AGBL4: variants seen among roughly 807,000 people sequenced by gnomAD.
AGBL4 encodes cytosolic carboxypeptidase 6.
In AGBL4, 58 loss-of-function variants were observed where a neutral mutation model predicts 66.4. The ratio of observed to expected loss-of-function variants is 0.87; its 90% CI spans 0.71 to 1.09. The LOEUF is 1.09. AGBL4 is among the 50% of genes least tolerant of loss of function. The probability of loss-of-function intolerance (pLI) is 0.00; values close to 1 mark genes in which losing one functional copy is unlikely to be tolerated. For missense variants in AGBL4, 579 were observed against 631.0 expected (o/e 0.92, Z 0.88); for synonymous variants, 234 against 222.9 (o/e 1.05, Z -0.44).
intron 3 of AGBL4, among the ~76,000 whole-genome samples, chr1:49,649,398 G>A (rs749511386): frequency 3.3e-5 from 5 of 152,062 alleles, no homozygotes; most frequent in Non-Finnish European, 5.9e-5. Context: ...AATGATTCAG[G>A]TCACTTCTTC....
At chr1:49,518,698 A>C (rs1381251980) in intron 3 of AGBL4, among the ~76,000 whole-genome samples, 2 of 152,102 alleles carry the variant, frequency 1.3e-5, no homozygotes, top group African/African-American at 2.4e-5. Context: ...AAGCACCTTG[A>C]TACTATAAAG....
chr1:48,597,492 A>T (rs1295946217), intron 9 of AGBL4, among the ~76,000 whole-genome samples: 2 of 152,132 alleles, frequency 1.3e-5, no homozygotes, highest in Non-Finnish European at 2.9e-5. Flanking sequence ...AGGTAGTGTG[A>T]TCAGGGAAGG....
Position 49,945,468 on chromosome 1 carries a change from G to A in AGBL4, c.34+78295C>T, listed in dbSNP as rs553131472. ...AGAATTTTGTATCCAGAAAAACTAAGCTTCATAAATGAAGGAAACACATGT... is the reference window on the plus strand; with the variant it reads ...AGAATTTTGTATCCAGAAAAACTAAACTTCATAAATGAAGGAAACACATGT... On this transcript the variant is annotated intron_variant, in intron 1 of 13. Transcript: ENST00000371839. Among the ~76,000 whole-genome samples the A allele has an allele frequency of 3.9e-5, 6 of 152,082 alleles. No individual in the cohort carries two copies. In the East Asian group the frequency reaches 9.7e-4, roughly 24 times the overall value.
At chr1:48,952,156 T>C (rs972659172) in intron 5 of AGBL4, among the ~76,000 whole-genome samples, 6 of 152,238 alleles carry the variant, frequency 3.9e-5, no homozygotes, top group Non-Finnish European at 7.3e-5. Context: ...GTGCACAATG[T>C]CTCCAGAAAA....
In AGBL4 at chr1:49,680,898, C is replaced by CT. The variant is rs561782422; in HGVS notation, c.282+16414dup. 3.5e-3 allele frequency among the ~76,000 whole-genome samples: 505 copies of CT among 143,464 alleles called. 2 individuals are homozygous for CT. The highest frequency in any genetic ancestry group is 0.023 in the South Asian group (103 of 4,546). 94.1% of individuals were successfully genotyped at this position (143,464 alleles called of 152,430 possible). On this transcript the variant is annotated intron_variant, in intron 3 of 13. Transcript: ENST00000371839. Reference sequence around the variant, plus strand: ...TGTTCCTGATGCTCTGTTGTTTTTCCTTTTTTTTTTTTAAACTATTGTCCT... The same window carrying CT: ...TGTTCCTGATGCTCTGTTGTTTTTCCTTTTTTTTTTTTTAAACTATTGTCCT...
intron 3 of AGBL4, among the ~76,000 whole-genome samples, chr1:49,525,888 C>A (rs1165864664): frequency 6.6e-6 from 1 of 151,782 alleles, no homozygotes; most frequent in Admixed American, 6.6e-5. Flanking sequence ...GAGATCCAGA[C>A]CATCCTGGCT....
chr1:49,406,225 T>C (rs867373477), intron 3 of AGBL4, among the ~76,000 whole-genome samples: 5 of 152,344 alleles, frequency 3.3e-5, no homozygotes, highest in Middle Eastern at 3.4e-3. Flanking sequence ...GATTATTTTG[T>C]AGTGACTCTT....
intron 5 of AGBL4, among the ~76,000 whole-genome samples, chr1:48,876,414 A>G (rs574618898): frequency 6.6e-6 from 1 of 152,308 alleles, no homozygotes; most frequent in Non-Finnish European, 1.5e-5. Context: ...AGGCATCAAG[A>G]GGCAGCGAGA....
intron 6 of AGBL4, chr1:48,759,481 C>A (rs571743140): frequency 8.9e-7 from 1 of 1,120,212 alleles, no homozygotes; most frequent in South Asian, 1.7e-5. Context: ...AAATGGGGTT[C>A]CGAGTGGGGA....
At chr1:48,586,746 C>G in intron 11 of AGBL4, 1 of 439,686 alleles carries the variant, frequency 2.3e-6, no homozygotes, top group Non-Finnish European at 4.2e-6. Flanking sequence ...GAGATGGAAG[C>G]AGAGTAAGAT....
chr1:49,340,218 A>T (rs77804254), intron 3 of AGBL4, among the ~76,000 whole-genome samples: 1 of 16,428 alleles, frequency 6.1e-5, no homozygotes, highest in Non-Finnish European at 1.4e-4. Flanking sequence ...TCTCTATGGA[A>T]AAAAAAAAAA....
intron 3 of AGBL4, among the ~76,000 whole-genome samples, chr1:49,610,814 T>C (rs1245892559): frequency 6.6e-6 from 1 of 152,200 alleles, no homozygotes; most frequent in Non-Finnish European, 1.5e-5. Context: ...TTTGTTATAG[T>C]AGCAGGAATT....
chr1:49,630,551 G>T (rs1273508404), intron 3 of AGBL4, among the ~76,000 whole-genome samples: 2 of 152,134 alleles, frequency 1.3e-5, no homozygotes, highest in African/African-American at 4.8e-5. Context: ...GCCTAGGTGT[G>T]AAAATCCTGT....
chr1:49,330,173 T>C (rs945174354), intron 3 of AGBL4, among the ~76,000 whole-genome samples: 1 of 152,200 alleles, frequency 6.6e-6, no homozygotes, highest in Non-Finnish European at 1.5e-5. Flanking sequence ...TCCCAGCACT[T>C]TGGGAGGCCG....
chr1:49,560,756 C>T (rs1644018313), intron 3 of AGBL4, among the ~76,000 whole-genome samples: 1 of 145,594 alleles, frequency 6.9e-6, no homozygotes, highest in Non-Finnish European at 1.5e-5. Flanking sequence ...GTATGTCTGA[C>T]AGCAGACTTT....
intron 3 of AGBL4, among the ~76,000 whole-genome samples, chr1:49,390,196 C>T (rs1299967576): frequency 1.3e-5 from 2 of 152,178 alleles, no homozygotes; most frequent in Non-Finnish European, 2.9e-5. Context: ...AACTGGATTA[C>T]CATTTTACCA....
intron 2 of AGBL4, among the ~76,000 whole-genome samples, chr1:49,740,320 A>T (rs985050668): frequency 4.8e-4 from 73 of 152,258 alleles, no homozygotes; most frequent in African/African-American, 1.7e-3. Flanking sequence ...TACATAATGG[A>T]AAAGGGAACA....
At chr1:49,956,204 A>G (rs2148333328) in intron 1 of AGBL4, among the ~76,000 whole-genome samples, 1 of 152,034 alleles carries the variant, frequency 6.6e-6, no homozygotes, top group East Asian at 1.9e-4. Context: ...ATACCATAGA[A>G]TCTGACTTCA....
chr1:49,396,912 G>T (rs1644985848), intron 3 of AGBL4, among the ~76,000 whole-genome samples: 1 of 152,142 alleles, frequency 6.6e-6, no homozygotes, highest in Admixed American at 6.5e-5. Flanking sequence ...TTGGCATAAG[G>T]ACCAGTTTCG....
Sources: gnomAD v4.1 joint callset for allele counts (sites outside exome capture counted in the v4.1 genomes callset) on GRCh38, gnomAD v4.1.1 for gene constraint, MANE v1.5 for transcripts, NCBI Gene and HGNC (gene_info 2026-07-23, HGNC 2026-07-21) for gene names.